Variants in ZBTB46 observed in about 807,000 individuals in gnomAD.
ZBTB46 encodes zinc finger and BTB domain-containing protein 46.
A neutral mutation model predicts 44.1 loss-of-function variants in ZBTB46; 8 were observed. The observed-to-expected ratio is 0.18, with a 90% CI of 0.11 to 0.33. The LOEUF is 0.33. ZBTB46 is among the 10% of genes least tolerant of loss of function. The pLI is 1.00. For missense variants in ZBTB46, 651 were observed against 847.7 expected, an observed-to-expected ratio of 0.77 and a Z score of 2.88; for synonymous variants, 409 against 382.3, an observed-to-expected ratio of 1.07 and a Z score of -0.81.
chr20:63,780,082 C>A (rs1183041830), intron 2 of ZBTB46, among the ~76,000 whole-genome samples: 1 of 151,684 alleles, frequency 6.6e-6, no homozygotes, highest in East Asian at 2.0e-4. Flanking sequence ...ACTAGCCTGG[C>A]CAGCCCGGTG....
intron 4 of ZBTB46, among the ~76,000 whole-genome samples, chr20:63,748,513 A>C (rs1373288025): frequency 1.3e-5 from 2 of 152,168 alleles, no homozygotes; most frequent in Non-Finnish European, 2.9e-5. Flanking sequence ...CAGCTAGAGG[A>C]GGCCTTGGGG....
chr20:63,815,581 T>G (rs2092746457), intron 1 of ZBTB46, among the ~76,000 whole-genome samples: 2 of 113,178 alleles, frequency 1.8e-5, no homozygotes, highest in African/African-American at 7.0e-5. Context: ...CAGGTGCAGG[T>G]GAGCACAGGT....
intron 3 of ZBTB46, among the ~76,000 whole-genome samples, chr20:63,756,616 A>G (rs1353185201): frequency 6.6e-6 from 1 of 152,222 alleles, no homozygotes; most frequent in African/African-American, 2.4e-5. Flanking sequence ...CAGCTCAATG[A>G]ACTTTATCTA....
In ZBTB46 at chr20:63,744,833, G is replaced by A. The variant is rs539404390; in HGVS notation, c.*2097C>T. 2 of 152,584 alleles carry A rather than the reference G, an allele frequency of 1.3e-5. No individual in the cohort carries two copies. The highest frequency in any genetic ancestry group is 1.5e-5 in the Non-Finnish European group (1 of 68,084). 9.5% of individuals were successfully genotyped at this position (152,584 alleles called of 1,614,324 possible). A position where few individuals can be genotyped will look rare whatever the true frequency, so the allele number is the denominator to read the frequency against. ...CAGGCCACACGGAGTGAGCCGGCCA[G>A]ATGGAGCAGGACATCCTGAGTGTGG... On this transcript the variant is annotated 3_prime_UTR_variant, in exon 5 of 5. Transcript: ENST00000245663.
chr20:63,816,121 G>GGTGGGCGCAGGTGCA (rs2092755661), intron 1 of ZBTB46, among the ~76,000 whole-genome samples: 1 of 147,318 alleles, frequency 6.8e-6, no homozygotes, highest in Non-Finnish European at 1.5e-5. Flanking sequence ...AGTGGGCGCA[G>GGTGGGCGCAGGTGCA]GTGGGCGCAG....
In ZBTB46 at chr20:63,767,992, G is replaced by A. The variant is rs2092334924; in HGVS notation, c.1222+7686C>T. On this transcript the variant is annotated intron_variant, in intron 3 of 4. Coordinates refer to ENST00000245663, the MANE Select transcript of ZBTB46 (RefSeq NM_001369741.1). This position sits in a 1 kb window ranked among gnomAD's most constrained non-coding sequence, Gnocchi z 5.0. ...CATGAGAGGTGTCGATCTGGAACCA[G>A]AGACAGACAAGTTACAGACCGTCAG... The A allele has an allele frequency of 1.0e-6, 1 of 985,450 alleles. No homozygotes were observed. The highest frequency in any genetic ancestry group is 1.2e-6 in the Non-Finnish European group (1 of 829,940). 61.0% of individuals were successfully genotyped at this position (985,450 alleles called of 1,614,324 possible).
At chr20:63,785,833 A>G (rs547163680) in intron 2 of ZBTB46, among the ~76,000 whole-genome samples, 4 of 152,186 alleles carry the variant, frequency 2.6e-5, no homozygotes, top group Non-Finnish European at 5.9e-5. Context: ...AACTCGGAAT[A>G]ATCTAATGGA....
chr20:63,785,873 G>C (rs1048305646), intron 2 of ZBTB46, among the ~76,000 whole-genome samples: 1 of 152,210 alleles, frequency 6.6e-6, no homozygotes, highest in South Asian at 2.1e-4. Flanking sequence ...GGAAACCCAA[G>C]GGATTTAAGA....
chr20:63,777,848 G>A (rs572810351), intron 2 of ZBTB46, among the ~76,000 whole-genome samples: 2 of 152,282 alleles, frequency 1.3e-5, no homozygotes, highest in East Asian at 1.9e-4. Context: ...CCACCACACA[G>A]AGGAGCCGTG....
chr20:63,772,137 G>A (rs1236144216), intron 3 of ZBTB46, among the ~76,000 whole-genome samples: 1 of 151,776 alleles, frequency 6.6e-6, no homozygotes, highest in South Asian at 2.1e-4. Flanking sequence ...TGAGATTACA[G>A]GTGCCCGCCA....
upstream of ZBTB46, among the ~76,000 whole-genome samples, chr20:63,833,590 CAAAAAAGAAA>C: frequency 1.3e-5 from 2 of 151,054 alleles, no homozygotes; most frequent in Middle Eastern, 6.8e-3. Context: ...GACTCTGTCT[CAAAAAAGAAA>C]AAAAAAGAAA....
At chr20:63,748,637 G>A (rs1887406) in intron 4 of ZBTB46, among the ~76,000 whole-genome samples, 12 of 152,096 alleles carry the variant, frequency 7.9e-5, no homozygotes, top group East Asian at 5.8e-4. Flanking sequence ...AAGTCCACAC[G>A]AGGGGCTTCT....
Position 63,803,478 on chromosome 20 carries a change from G to A in ZBTB46, c.-33-12688C>T, listed in dbSNP as rs553088760. 92 of 985,344 alleles carry A rather than the reference G, an allele frequency of 9.3e-5. No individual in the cohort carries two copies. In the African/African-American group the frequency reaches 1.4e-3, roughly 15 times the overall value. 61.0% of individuals were successfully genotyped at this position (985,344 alleles called of 1,614,324 possible). ...CTCCAGTGAGCAAGTGGGTGCTGGC[G>A]ATGAGGACTTTAGGTTTTCCACATG... On this transcript the variant is annotated intron_variant, in intron 1 of 4. Coordinates refer to ENST00000245663, the MANE Select transcript of ZBTB46 (RefSeq NM_001369741.1). The surrounding 1 kb of genome is among the most constrained non-coding windows in gnomAD (Gnocchi z 4.0).
At chr20:63,810,603 G>A (rs181375826) in intron 1 of ZBTB46, among the ~76,000 whole-genome samples, 15 of 152,236 alleles carry the variant, frequency 9.9e-5, no homozygotes, top group African/African-American at 3.4e-4. Context: ...AAAATTAGCT[G>A]GGCGTGGTGG....
At position 63,816,106 on chromosome 20, in the gene ZBTB46, GGTGCA is replaced by G. The variant is rs1286164719; in HGVS notation, c.-34+14986_-34+14990del. Among the ~76,000 whole-genome samples the G allele has an allele frequency of 1.8e-3, 267 of 151,300 alleles. 1 individual carries two copies. The highest frequency in any genetic ancestry group is 7.1e-3 in the South Asian group (34 of 4,774). On this transcript the variant is annotated intron_variant, in intron 1 of 4. Transcript: ENST00000245663. ...GGTGGGCACAGGTGCAGTGGGCGCA[GGTGCA>G]GTGGGCGCAGGTGGGCGCAGGTGCA...
intron 1 of ZBTB46, among the ~76,000 whole-genome samples, chr20:63,820,440 T>C (rs944386608): frequency 3.4e-5 from 5 of 148,156 alleles, no homozygotes; most frequent in Non-Finnish European, 7.4e-5. Flanking sequence ...ATTATATATA[T>C]ATATTTTTTT....
chr20:63,775,402 C>A (rs2092416289), intron 3 of ZBTB46: 1 of 384,906 alleles, frequency 2.6e-6, no homozygotes, highest in Non-Finnish European at 4.7e-6. Context: ...CCAACGACTC[C>A]TGTGAGAAAC....
Position 63,746,966 on chromosome 20 carries a change from TG to T in ZBTB46, c.1733del (p.Pro578GlnfsTer83). On this transcript the variant is annotated frameshift_variant, in exon 5 of 5. Coordinates refer to ENST00000245663, the MANE Select transcript of ZBTB46 (RefSeq NM_001369741.1). LOFTEE classifies it high-confidence loss of function. ...AGGCGAAGTCCTTGTCAGGGCCTCC[TG>T]GGGGGCTGCGCGGCCGCGGCGAGTC... ...EEDSPRPRSP[P>X]GGPDKDFAWL... The T allele has an allele frequency of 1.3e-6, 2 of 1,596,058 alleles. No individual in the cohort carries two copies.
chr20:63,750,306 G>T (rs1471949094), intron 4 of ZBTB46, among the ~76,000 whole-genome samples: 1 of 152,100 alleles, frequency 6.6e-6, no homozygotes, highest in African/African-American at 2.4e-5. Context: ...GTGCAGTGGT[G>T]CAATCACAGC....
Sources: allele counts gnomAD v4.1 joint callset (sites outside exome capture counted in the v4.1 genomes callset), GRCh38; gene constraint gnomAD v4.1.1; non-coding constraint Gnocchi (gnomAD v3.1); transcripts MANE v1.5; gene names NCBI Gene and HGNC (gene_info 2026-07-23, HGNC 2026-07-21).